NCOA7: variants seen among roughly 807,000 people sequenced by gnomAD.
NCOA7 encodes the protein 140 kDa estrogen receptor-associated protein.
Under a neutral mutation model 104.3 loss-of-function variants are expected in NCOA7, and 45 were observed. That is an observed-to-expected ratio of 0.43 (90% CI 0.34 to 0.55). The LOEUF is 0.55. NCOA7 is among the 20% of genes least tolerant of loss of function. NCOA7 has a pLI of 0.02. For synonymous variants in NCOA7, 398 were observed against 402.3 expected (o/e 0.99, Z 0.13); for missense variants, 1,041 against 1,119.7 (o/e 0.93, Z 1.00).
intron 11 of NCOA7, chr6:125,919,202 C>A: frequency 6.4e-7 from 1 of 1,555,508 alleles, no homozygotes; most frequent in South Asian, 1.2e-5. Flanking sequence ...GTTGAAACTT[C>A]TCCTGAGGGA....
At chr6:125,914,036 G>A (rs1347821754) in intron 10 of NCOA7, among the ~76,000 whole-genome samples, 1 of 152,210 alleles carries the variant, frequency 6.6e-6, no homozygotes, top group African/African-American at 2.4e-5. Flanking sequence ...TCTTTCAAGA[G>A]CCATTAGGCA....
intron 2 of NCOA7, among the ~76,000 whole-genome samples, chr6:125,832,186 T>A (rs1042215713): frequency 2.0e-5 from 3 of 152,200 alleles, no homozygotes; most frequent in Non-Finnish European, 4.4e-5. Flanking sequence ...TCTACAAAAT[T>A]TCTACCAATA....
chr6:125,894,670 G>A (rs1583482657), intron 10 of NCOA7, among the ~76,000 whole-genome samples: 1 of 152,120 alleles, frequency 6.6e-6, no homozygotes, highest in Admixed American at 6.6e-5. Context: ...CCCCTGGTTT[G>A]GCAGTGAAGG....
intron 1 of NCOA7, among the ~76,000 whole-genome samples, chr6:125,797,161 T>C (rs1775416629): frequency 6.6e-6 from 1 of 152,056 alleles, no homozygotes; most frequent in Non-Finnish European, 1.5e-5. Flanking sequence ...GTTTGGGGAT[T>C]AGCCAGGCAA....
At chr6:125,819,224 A>G (rs1474424754) in intron 2 of NCOA7, among the ~76,000 whole-genome samples, 1 of 152,078 alleles carries the variant, frequency 6.6e-6, no homozygotes, top group African/African-American at 2.4e-5. Flanking sequence ...TCCTTTGCCA[A>G]ACCTGTTTTG....
intron 2 of NCOA7, among the ~76,000 whole-genome samples, chr6:125,818,454 T>C (rs755301131): frequency 2.0e-5 from 3 of 152,072 alleles, no homozygotes; most frequent in African/African-American, 4.8e-5. Flanking sequence ...CTTGGGAGCA[T>C]AGGGACAGTG....
At position 125,784,987 on chromosome 6, in the gene NCOA7, A is replaced by AACACACACAC. The variant is rs3084325; in HGVS notation, c.-141-1126_-141-1117dup. Among the ~76,000 whole-genome samples, 609 of 148,402 alleles carry AACACACACAC rather than the reference A, an allele frequency of 4.1e-3. 3 individuals carry two copies. Among genetic ancestry groups the AACACACACAC allele is most frequent in the African/African-American group, 0.014 (578 of 40,282 alleles). On this transcript the variant is annotated intron_variant, in intron 1 of 16. Transcript: ENST00000368357. ...ACAAGATATGATAATGTTGCATATAAACACACACACACACACACACACACA... is the reference window on the plus strand; with the variant it reads ...ACAAGATATGATAATGTTGCATATAAACACACACACACACACACACACACACACACACACA...
Position 125,889,836 on chromosome 6 carries a change from C to G in NCOA7, c.1782C>G (p.Asn594Lys). The G allele has an allele frequency of 6.2e-7, 1 of 1,613,804 alleles. No individual in the cohort carries two copies. The highest frequency in any genetic ancestry group is 1.7e-5 in the Admixed American group (1 of 59,930). The change falls in exon 9 of 16, where the codon AAC (asparagine) becomes AAG (lysine). Residue 594 changes from asparagine (N) to lysine (K), a missense_variant. Coordinates refer to ENST00000392477, the MANE Select transcript of NCOA7 (RefSeq NM_181782.5). ...GAGAGCCCCTCCCGGTAAAACTGAA[C>G]TCTTCTACAGAAGCAAATGTGATTA... is the stretch of plus-strand genomic sequence containing the variant. ...KKGEPLPVKL[N>K]SSTEANVIKE...
At chr6:125,877,153 C>T (rs1278051438) in intron 4 of NCOA7, among the ~76,000 whole-genome samples, 1 of 152,150 alleles carries the variant, frequency 6.6e-6, no homozygotes, top group African/African-American at 2.4e-5. Context: ...TATATCCTAA[C>T]TTGTTCCAGA....
chr6:125,913,751 C>T (rs1786799443), intron 10 of NCOA7: 1 of 721,366 alleles, frequency 1.4e-6, no homozygotes, highest in South Asian at 6.3e-5. Context: ...AACAACAGCT[C>T]GGAAACACAT....
chr6:125,790,778 G>C (rs578115498), upstream of NCOA7: 2 of 152,414 alleles, frequency 1.3e-5, no homozygotes, highest in South Asian at 4.1e-4. Context: ...CTGACGGGGG[G>C]CGCAGCTGCG....
At chr6:125,916,127 C>G (rs561878377) in intron 11 of NCOA7, among the ~76,000 whole-genome samples, 3 of 152,180 alleles carry the variant, frequency 2.0e-5, no homozygotes, top group African/African-American at 7.2e-5. Context: ...GGACAGTTTC[C>G]CCGTGCTGTT....
At chr6:125,900,617 C>G (rs1267079085) in intron 10 of NCOA7, among the ~76,000 whole-genome samples, 1 of 152,236 alleles carries the variant, frequency 6.6e-6, no homozygotes, top group Non-Finnish European at 1.5e-5. Context: ...TAAACATCCT[C>G]ATTACCACAC....
At chr6:125,909,132 G>A (rs1029963070) in intron 10 of NCOA7, among the ~76,000 whole-genome samples, 1 of 152,212 alleles carries the variant, frequency 6.6e-6, no homozygotes, top group East Asian at 1.9e-4. Flanking sequence ...GTCTTGTGTT[G>A]TAACTAGAAA....
intron 4 of NCOA7, 31 bp from the exon 5 acceptor site, chr6:125,878,232 T>G (rs1204595941): frequency 6.7e-7 from 1 of 1,500,578 alleles, no homozygotes; most frequent in Non-Finnish European, 9.0e-7. Context: ...TTTGCTTTAT[T>G]TATTGACTCT....
chr6:125,803,985 C>T lies in NCOA7; in HGVS notation c.-64-11306C>T, dbSNP rs145218163. The stretch of plus-strand genomic sequence containing the variant: ...CTCCTGAAATTGATGCATTGGGACC[C>T]AGTCTAAGACCAGGACACATGCATC... On this transcript the variant is annotated intron_variant, in intron 1 of 15. Coordinates refer to ENST00000392477, the MANE Select transcript of NCOA7 (RefSeq NM_181782.5). Among the ~76,000 whole-genome samples the T allele has an allele frequency of 6.6e-5, 10 of 152,030 alleles. No individual in the cohort carries two copies. The East Asian group carries it at 7.7e-4, about 12-fold the overall frequency.
Position 125,921,077 on chromosome 6 carries a change from G to T in NCOA7, c.2370+9G>T, listed in dbSNP as rs777465710. On this transcript the variant is annotated intron_variant, in intron 12 of 15. Coordinates refer to ENST00000392477, the MANE Select transcript of NCOA7 (RefSeq NM_181782.5). ...ATATGCACATCGAGCAGGTGGGCTC[G>T]CCCTGGCCACCAAGGGTGGGGGTTC... 1.2e-6 allele frequency: 2 copies of T among 1,610,566 alleles called. No homozygotes were observed. The highest frequency in any genetic ancestry group is 1.3e-5 in the African/African-American group (1 of 74,800).
rs751862607 is a variant in NCOA7, at chr6:125,881,180, G to C, written c.550G>C (p.Asp184His). ...PGATVSPSSS[D>H]AEYDKLPDAD... ...TGCTACTGTCTCTCCTTCATCATCA[G>C]ATGCAGAATATGATAAATTGCCTGT... is the stretch of plus-strand genomic sequence containing the variant. The change falls in exon 6 of 16, where the codon GAT (aspartate) becomes CAT (histidine). Residue 184 changes from aspartate to histidine, a missense_variant. By Grantham distance (81) the Asp-to-His change is moderately conservative. Coordinates refer to ENST00000392477, the MANE Select transcript of NCOA7 (RefSeq NM_181782.5). 1.2e-6 allele frequency: 2 copies of C among 1,612,480 alleles called. No homozygotes were observed. Among genetic ancestry groups the C allele is most frequent in the Admixed American group, 3.3e-5 (2 of 59,996 alleles).
Position 125,915,453 on chromosome 6 carries a change from C to T in NCOA7, c.2217C>T (p.Phe739=), listed in dbSNP as rs1255975395. ...AACTGAACATGATTGACAACTTCTTCAGTGAGCCAACAACCAAGAGCTGGG... is the reference window on the plus strand; with the variant it reads ...AACTGAACATGATTGACAACTTCTTTAGTGAGCCAACAACCAAGAGCTGGG... The part of the protein sequence containing the change: ...KEELNMIDNF[F]SEPTTKSWEI... The change falls in exon 11 of 16, where the codon TTC becomes TTT. Residue 739 remains phenylalanine, a synonymous_variant. Coordinates refer to ENST00000392477, the MANE Select transcript of NCOA7 (RefSeq NM_181782.5). 1 of 1,613,872 alleles carries T rather than the reference C, an allele frequency of 6.2e-7. No individual in the cohort carries two copies. The highest frequency in any genetic ancestry group is 1.1e-5 in the South Asian group (1 of 91,080).
Sources: allele counts gnomAD v4.1 joint callset (sites outside exome capture counted in the v4.1 genomes callset), GRCh38; gene constraint gnomAD v4.1.1; transcripts MANE v1.5; gene names NCBI Gene and HGNC (gene_info 2026-07-23, HGNC 2026-07-21).